The following PTPRA variants were observed in gnomAD, a reference collection of about 807,000 sequenced individuals.
PTPRA encodes protein tyrosine phosphatase receptor type A.
In PTPRA, 25 loss-of-function variants were observed where a neutral mutation model predicts 104.8. The observed-to-expected ratio is 0.24, with a 90% CI of 0.17 to 0.33. The LOEUF (loss-of-function observed/expected upper bound fraction) is 0.33. PTPRA is among the 10% of genes least tolerant of loss of function. The pLI is 1.00. For synonymous variants in PTPRA, 323 were observed against 368.9 expected (o/e 0.88, Z 1.43); for missense variants, 765 against 1,015.3 (o/e 0.75, Z 3.35).
At chr20:2,906,833 GA>G (rs1356542305) in intron 1 of PTPRA, among the ~76,000 whole-genome samples, 1 of 152,136 alleles carries the variant, frequency 6.6e-6, no homozygotes, top group Non-Finnish European at 1.5e-5. Context: ...AGCATTTATA[GA>G]ATTAGGTTTT....
At chr20:2,910,163 TATA>T (rs1484701651) in intron 1 of PTPRA, among the ~76,000 whole-genome samples, 1 of 123,214 alleles carries the variant, frequency 8.1e-6, no homozygotes, top group Non-Finnish European at 1.6e-5. Flanking sequence ...ATACGTCATA[TATA>T]ATATGACGTA....
chr20:2,946,534 T>C lies in PTPRA; in HGVS notation c.-49-1448T>C, dbSNP rs540640316. ...CAGAAGAAAAGATGGGATAAAAATA[T>C]TCCATCTTATTTCTCTGTTTAAAAG... On this transcript the variant is annotated intron_variant, in intron 2 of 23. Transcript: ENST00000399903. Among the ~76,000 whole-genome samples, 9 of 152,282 alleles carry C rather than the reference T, an allele frequency of 5.9e-5. No individual in the cohort carries two copies. The South Asian group carries it at 1.9e-3, about 32-fold the overall frequency.
chr20:2,940,468 C>T (rs939322513), intron 2 of PTPRA, among the ~76,000 whole-genome samples: 14 of 152,104 alleles, frequency 9.2e-5, no homozygotes, highest in African/African-American at 3.1e-4. Context: ...TTTCTTATCC[C>T]ATTATCTACT....
At chr20:3,015,813 T>G (rs1313110136) in intron 11 of PTPRA, 36 bp from the exon 12 acceptor site, 1 of 1,513,676 alleles carries the variant, frequency 6.6e-7, no homozygotes, top group African/African-American at 1.4e-5. Flanking sequence ...CATTTTTGGT[T>G]TTCTCTTTCT....
At chr20:2,869,964 ACT>A (rs926080026), upstream of PTPRA, among the ~76,000 whole-genome samples, 5 of 150,596 alleles carry the variant, frequency 3.3e-5, no homozygotes, top group African/African-American at 9.8e-5. Flanking sequence ...AATGAGTGAA[ACT>A]CTGTCTTAAA....
At chr20:3,024,199 T>G (rs536864655) in intron 16 of PTPRA, among the ~76,000 whole-genome samples, 134 of 152,238 alleles carry the variant, frequency 8.8e-4, no homozygotes, top group Admixed American at 2.6e-3. Context: ...ATCTGCACTC[T>G]CAGAATGAAC....
chr20:2,961,944 G>A (rs117429138), intron 3 of PTPRA, among the ~76,000 whole-genome samples: 2,342 of 152,142 alleles, frequency 0.015, 122 homozygotes, highest in Admixed American at 0.09. Context: ...TCTCTGTTCC[G>A]TTCCATTGAT....
intron 2 of PTPRA, among the ~76,000 whole-genome samples, chr20:2,941,659 G>A (rs1463236125): frequency 1.3e-5 from 2 of 152,184 alleles, no homozygotes; most frequent in Admixed American, 1.3e-4. Flanking sequence ...TCACCCTTGT[G>A]TGGCCCTACC....
At chr20:3,023,519 T>C (rs917071026) in intron 16 of PTPRA, among the ~76,000 whole-genome samples, 5 of 152,244 alleles carry the variant, frequency 3.3e-5, no homozygotes, top group Non-Finnish European at 7.3e-5. Context: ...GCGGCAATAC[T>C]GCTCTTTACT....
chr20:3,032,563 C>G (rs370192843), intron 20 of PTPRA, among the ~76,000 whole-genome samples: 10 of 150,146 alleles, frequency 6.7e-5, no homozygotes, highest in Admixed American at 2.0e-4. Context: ...GTCAGGAGAT[C>G]GAGACCAGCC....
chr20:2,881,893 G>A (rs1157470179), intron 1 of PTPRA, among the ~76,000 whole-genome samples: 1 of 152,136 alleles, frequency 6.6e-6, no homozygotes, highest in South Asian at 2.1e-4. Context: ...CCAGCTACTC[G>A]GGAGGCTGAG....
chr20:2,910,480 CTTTTTT>C (rs34928941), intron 1 of PTPRA, among the ~76,000 whole-genome samples: 5 of 16,776 alleles, frequency 3.0e-4, no homozygotes, highest in Admixed American at 9.1e-4. Context: ...TTTATATATA[CTTTTTT>C]TTTTTTTTTT....
the PTPRA span, chr20:2,865,621 T>G: frequency 1.1e-6 from 1 of 870,336 alleles, no homozygotes; most frequent in Non-Finnish European, 1.7e-6. This position sits in a 1 kb window ranked among gnomAD's most constrained non-coding sequence, Gnocchi z 5.2. Flanking sequence ...AGTTAGCGAG[T>G]GCTTCCTGTA....
intron 22 of PTPRA, among the ~76,000 whole-genome samples, chr20:3,036,721 G>A (rs1014353188): frequency 2.6e-5 from 4 of 152,242 alleles, no homozygotes; most frequent in African/African-American, 9.6e-5. Context: ...GTCAGAGTCT[G>A]GATTCCGTGG....
intron 9 of PTPRA, among the ~76,000 whole-genome samples, chr20:3,004,761 C>A (rs2063789496): frequency 6.6e-6 from 1 of 152,248 alleles, no homozygotes. Context: ...GGCCCAGTAT[C>A]ATAACAACAG....
intron 1 of PTPRA, among the ~76,000 whole-genome samples, chr20:2,902,413 T>C (rs2147117143): frequency 6.6e-6 from 1 of 152,330 alleles, no homozygotes; most frequent in East Asian, 1.9e-4. Context: ...AAAAGTTGGT[T>C]TCCAGGGATA....
chr20:2,893,561 T>G (rs762314518), intron 1 of PTPRA, among the ~76,000 whole-genome samples: 3 of 152,212 alleles, frequency 2.0e-5, no homozygotes, highest in Non-Finnish European at 4.4e-5. Flanking sequence ...ATATATATCA[T>G]ATATTTAATC....
chr20:2,892,018 G>T (rs899435681), intron 1 of PTPRA, among the ~76,000 whole-genome samples: 1 of 152,032 alleles, frequency 6.6e-6, no homozygotes, highest in African/African-American at 2.4e-5. Flanking sequence ...GGCCGGGCGC[G>T]GTGGCTCACA....
chr20:2,887,010 A>G (rs2090429458), intron 1 of PTPRA, among the ~76,000 whole-genome samples: 1 of 152,222 alleles, frequency 6.6e-6, no homozygotes, highest in African/African-American at 2.4e-5. Context: ...TGATTATCAC[A>G]GTTTAGTAAA....
Sources: gnomAD v4.1 joint callset for allele counts (sites outside exome capture counted in the v4.1 genomes callset) on GRCh38, gnomAD v4.1.1 for gene constraint, Gnocchi (gnomAD v3.1) non-coding constraint, MANE v1.5 for transcripts, NCBI Gene and HGNC (gene_info 2026-07-23, HGNC 2026-07-21) for gene names.